Variants in BMAL1 observed in about 807,000 individuals in gnomAD.
BMAL1 encodes basic helix-loop-helix ARNT-like protein 1.
the BMAL1 span, chr11:13,378,269 A>G: frequency 6.7e-7 from 1 of 1,482,552 alleles, no homozygotes; most frequent in Non-Finnish European, 8.9e-7. Flanking sequence ...AACTGGTTTT[A>G]CTTTAATACA....
the BMAL1 span, among the ~76,000 whole-genome samples, chr11:13,316,203 G>C: frequency 1.8e-4 from 27 of 152,338 alleles, no homozygotes; most frequent in African/African-American, 6.3e-4. Flanking sequence ...CTGGACTGTG[G>C]TTTCTGTGGC....
At chr11:13,376,855 A>G in the BMAL1 span, 1 of 816,268 alleles carries the variant, frequency 1.2e-6, no homozygotes, top group South Asian at 1.8e-5. Context: ...CCTCGAGGGG[A>G]TGATGTGCGG....
At chr11:13,320,658 C>G in the BMAL1 span, among the ~76,000 whole-genome samples, 1 of 152,240 alleles carries the variant, frequency 6.6e-6, no homozygotes, top group Non-Finnish European at 1.5e-5. Context: ...TATGAGTCCT[C>G]TCTTATCTTC....
chr11:13,278,352 G>T, the BMAL1 span, among the ~76,000 whole-genome samples: 1 of 152,216 alleles, frequency 6.6e-6, no homozygotes, highest in African/African-American at 2.4e-5. Flanking sequence ...GGCCGAAGAG[G>T]ACTCCTAGAT....
chr11:13,315,369 C>G, the BMAL1 span, among the ~76,000 whole-genome samples: 1 of 152,240 alleles, frequency 6.6e-6, no homozygotes, highest in African/African-American at 2.4e-5. Context: ...AGGTCTTGTC[C>G]TCACCATTCC....
the BMAL1 span, among the ~76,000 whole-genome samples, chr11:13,338,780 C>T: frequency 4.6e-5 from 7 of 152,172 alleles, no homozygotes; most frequent in South Asian, 2.1e-4. Context: ...TATGTGATGT[C>T]GATGCCTCCC....
chr11:13,324,127 C>A, the BMAL1 span, among the ~76,000 whole-genome samples: 109 of 14,728 alleles, frequency 7.4e-3, no homozygotes, highest in African/African-American at 0.018. Context: ...ACCAAGCAGG[C>A]CAGACCACTG....
At chr11:13,332,694 A>G in the BMAL1 span, among the ~76,000 whole-genome samples, 1 of 152,140 alleles carries the variant, frequency 6.6e-6, no homozygotes, top group Non-Finnish European at 1.5e-5. Flanking sequence ...GCTCTTGAAC[A>G]TTTCACTGTG....
chr11:13,302,625 T>C, the BMAL1 span, among the ~76,000 whole-genome samples: 1 of 152,358 alleles, frequency 6.6e-6, no homozygotes, highest in Middle Eastern at 3.4e-3. Flanking sequence ...CTTATTACCT[T>C]GTCCCCATGA....
chr11:13,338,316 T>C, the BMAL1 span, among the ~76,000 whole-genome samples: 1 of 152,142 alleles, frequency 6.6e-6, no homozygotes, highest in Non-Finnish European at 1.5e-5. Flanking sequence ...CAGACGAACA[T>C]TTTAGATCTA....
the BMAL1 span, chr11:13,366,659 C>T: frequency 1.9e-6 from 3 of 1,609,460 alleles, no homozygotes; most frequent in South Asian, 1.1e-5. Context: ...CATTTCATCT[C>T]CCCAGAATGA....
the BMAL1 span, chr11:13,355,008 T>A: frequency 2.5e-6 from 1 of 398,410 alleles, no homozygotes; most frequent in East Asian, 3.7e-5. Flanking sequence ...ACTTTTCGTT[T>A]GAGTAAGTAA....
chr11:13,338,775 G>A, the BMAL1 span, among the ~76,000 whole-genome samples: 15 of 152,220 alleles, frequency 9.9e-5, no homozygotes, highest in African/African-American at 2.9e-4. Flanking sequence ...TCTTCTATGT[G>A]ATGTCGATGC....
the BMAL1 span, among the ~76,000 whole-genome samples, chr11:13,377,846 C>T: frequency 1.3e-5 from 2 of 152,374 alleles, no homozygotes; most frequent in South Asian, 4.1e-4. Flanking sequence ...CTCCTCCTTA[C>T]CTCTCTGCCA....
At chr11:13,375,687 G>A in the BMAL1 span, 2 of 1,604,828 alleles carry the variant, frequency 1.2e-6, no homozygotes, top group Non-Finnish European at 1.7e-6. Flanking sequence ...ATCACACTAC[G>A]GAGTCGATGG....
the BMAL1 span, among the ~76,000 whole-genome samples, chr11:13,283,768 G>A: frequency 6.6e-6 from 1 of 152,120 alleles, no homozygotes; most frequent in Non-Finnish European, 1.5e-5. Context: ...TGCTACCTGA[G>A]CAGCAGCTCC....
the BMAL1 span, among the ~76,000 whole-genome samples, chr11:13,354,830 C>T: frequency 6.6e-6 from 1 of 152,194 alleles, no homozygotes; most frequent in Non-Finnish European, 1.5e-5. Context: ...GAGGGCCTCT[C>T]TGAGGAAGAC....
chr11:13,383,745 G>A, the BMAL1 span, among the ~76,000 whole-genome samples: 1 of 152,090 alleles, frequency 6.6e-6, no homozygotes, highest in African/African-American at 2.4e-5. Flanking sequence ...CAGCTACTCC[G>A]GGGACTGAGG....
At chr11:13,356,261 T>A in the BMAL1 span, 40 of 457,470 alleles carry the variant, frequency 8.7e-5, no homozygotes, top group Non-Finnish European at 1.7e-4. Flanking sequence ...TGTTGGTACT[T>A]TAATTCCACC....
Sources: allele counts gnomAD v4.1 joint callset (sites outside exome capture counted in the v4.1 genomes callset), GRCh38; gene constraint gnomAD v4.1.1; transcripts MANE v1.5; gene names NCBI Gene and HGNC (gene_info 2026-07-23, HGNC 2026-07-21).